The following ELK3 variants were observed in gnomAD, a reference collection of about 807,000 sequenced individuals.
ELK3 encodes ETS transcription factor ELK3.
Under a neutral mutation model 28.9 loss-of-function variants are expected in ELK3, and 10 were observed. That is an observed-to-expected ratio of 0.35 (90% CI 0.21 to 0.59). The LOEUF (loss-of-function observed/expected upper bound fraction) is 0.59. Ranked by LOEUF, ELK3 falls within the 20% of genes least tolerant of loss-of-function variation. ELK3 has a pLI of 0.82. For synonymous variants in ELK3, 272 were observed against 243.5 expected, an observed-to-expected ratio of 1.12 and a Z score of -1.09; for missense variants, 463 against 517.3, an observed-to-expected ratio of 0.90 and a Z score of 1.02.
chr12:96,248,223 A>G (rs1428007322), intron 3 of ELK3, among the ~76,000 whole-genome samples: 3 of 152,214 alleles, frequency 2.0e-5, no homozygotes, highest in Non-Finnish European at 4.4e-5. Context: ...CGTAGGTAAT[A>G]AGAAACAAAG....
At position 96,267,923 on chromosome 12, in the gene ELK3, C is replaced by T. The variant is rs6538704; in HGVS notation, c.*743C>T. ...TTTACAGTATCTTATCTTTTAGATG[C>T]CTCCCAGACAAAAATCTGAGATGGA... On this transcript the variant is annotated 3_prime_UTR_variant, in exon 5 of 5. Transcript: ENST00000228741. 0.22 allele frequency: 32,842 copies of T among 152,304 alleles called. 4,418 individuals are homozygous for T. Among genetic ancestry groups the T allele is most frequent in the Middle Eastern group, 0.32 (95 of 294 alleles). 9.4% of individuals were successfully genotyped at this position (152,304 alleles called of 1,614,324 possible).
Position 96,199,449 on chromosome 12 carries a change from C to CT in ELK3, c.-3+4746dup, listed in dbSNP as rs139370940. On this transcript the variant is annotated intron_variant, in intron 1 of 4. Coordinates refer to ENST00000228741, the MANE Select transcript of ELK3 (RefSeq NM_005230.4). ...GACCATGAAAACTCTAGTTTTGCCA[C>CT]TTATAGAGCAGCCCCAGTAAATAAA... Among the ~76,000 whole-genome samples, 817 of 151,098 alleles carry CT rather than the reference C, an allele frequency of 5.4e-3. 12 individuals are homozygous for CT. Among genetic ancestry groups the CT allele is most frequent in the African/African-American group, 0.018 (752 of 41,028 alleles).
At chr12:96,263,751 G>C (rs1952010225) in intron 4 of ELK3, among the ~76,000 whole-genome samples, 1 of 152,230 alleles carries the variant, frequency 6.6e-6, no homozygotes, top group Admixed American at 6.5e-5. Context: ...GAATGACGGG[G>C]ACGTGAGAGT....
At chr12:96,259,151 G>A (rs1186373942) in intron 3 of ELK3, among the ~76,000 whole-genome samples, 1 of 152,094 alleles carries the variant, frequency 6.6e-6, no homozygotes, top group Non-Finnish European at 1.5e-5. Context: ...CAAACCATTC[G>A]GACGAAAGTT....
intron 3 of ELK3, among the ~76,000 whole-genome samples, chr12:96,251,673 G>A (rs7957256): frequency 0.36 from 54,874 of 152,044 alleles, 10,707 homozygotes; most frequent in South Asian, 0.49. Flanking sequence ...AAGTTTTAGT[G>A]GTCTGGATAG....
At chr12:96,262,800 C>CTTAT (rs1952003067) in intron 4 of ELK3, among the ~76,000 whole-genome samples, 1 of 151,552 alleles carries the variant, frequency 6.6e-6, no homozygotes, top group Non-Finnish European at 1.5e-5. Flanking sequence ...AGCAGTGCCT[C>CTTAT]TTATTTTTTT....
intron 1 of ELK3, among the ~76,000 whole-genome samples, chr12:96,202,476 A>G (rs187354373): frequency 1.4e-5 from 2 of 146,714 alleles, no homozygotes; most frequent in Admixed American, 1.4e-4. Context: ...CCTAGAGTAG[A>G]TCTCCCTCAG....
intron 1 of ELK3, among the ~76,000 whole-genome samples, chr12:96,204,144 T>G (rs1951524896): frequency 6.6e-6 from 1 of 152,174 alleles, no homozygotes; most frequent in South Asian, 2.1e-4. Flanking sequence ...TGGGATAGGA[T>G]ATGTTGAAAG....
At chr12:96,226,181 C>G (rs1006544452) in intron 2 of ELK3, among the ~76,000 whole-genome samples, 1 of 152,076 alleles carries the variant, frequency 6.6e-6, no homozygotes, top group East Asian at 1.9e-4. Context: ...TGAAAAATCC[C>G]AGCAAACGAT....
At chr12:96,230,175 C>T (rs1358469448) in intron 2 of ELK3, among the ~76,000 whole-genome samples, 1 of 152,104 alleles carries the variant, frequency 6.6e-6, no homozygotes, top group Non-Finnish European at 1.5e-5. Flanking sequence ...TGCCTACATA[C>T]AGTATTCAGT....
intron 1 of ELK3, among the ~76,000 whole-genome samples, chr12:96,202,050 C>T (rs747553111): frequency 2.0e-5 from 3 of 152,194 alleles, no homozygotes; most frequent in Non-Finnish European, 4.4e-5. Context: ...CTCCTTCCTT[C>T]TGATAGTCTT....
intron 1 of ELK3, chr12:96,198,158 C>T (rs1039043025): frequency 6.6e-6 from 1 of 152,196 alleles, no homozygotes; most frequent in Non-Finnish European, 1.5e-5. Context: ...TTGCTGCTTA[C>T]TAATCGTTAG....
chr12:96,248,030 C>T (rs1413980793), intron 3 of ELK3, among the ~76,000 whole-genome samples: 5 of 152,134 alleles, frequency 3.3e-5, no homozygotes, highest in South Asian at 2.1e-4. Context: ...ATCTCACCAG[C>T]GATTTCCAAG....
chr12:96,241,142 G>A (rs1951817981), intron 2 of ELK3, among the ~76,000 whole-genome samples: 1 of 152,222 alleles, frequency 6.6e-6, no homozygotes, highest in Non-Finnish European at 1.5e-5. Context: ...ACCAGCCTAA[G>A]AATGAGCCGT....
chr12:96,258,702 G>C (rs1012453201), intron 3 of ELK3, among the ~76,000 whole-genome samples: 1 of 152,186 alleles, frequency 6.6e-6, no homozygotes, highest in African/African-American at 2.4e-5. Flanking sequence ...AGCTGGGCGG[G>C]TGTTTCTTCT....
intron 1 of ELK3, among the ~76,000 whole-genome samples, chr12:96,195,570 A>C (rs781481666): frequency 1.2e-4 from 18 of 152,196 alleles, no homozygotes; most frequent in South Asian, 8.3e-4. Context: ...TTCTGAACCG[A>C]ATCATCCTAG....
At chr12:96,262,816 C>CT (rs777970376) in intron 4 of ELK3, among the ~76,000 whole-genome samples, 137 of 143,672 alleles carry the variant, frequency 9.5e-4, no homozygotes, top group Admixed American at 2.9e-3. Context: ...TTTTTAAGAA[C>CT]TTTTTTTTTT....
chr12:96,258,189 G>GC (rs1183626581), intron 3 of ELK3, among the ~76,000 whole-genome samples: 1 of 152,236 alleles, frequency 6.6e-6, no homozygotes, highest in African/African-American at 2.4e-5. Flanking sequence ...CTCATGCTGA[G>GC]CCGTGAAGTT....
At chr12:96,216,466 C>A (rs1366186021) in intron 1 of ELK3, among the ~76,000 whole-genome samples, 1 of 152,196 alleles carries the variant, frequency 6.6e-6, no homozygotes, top group Non-Finnish European at 1.5e-5. Context: ...AAAACAGAAG[C>A]ATACTCCAAG....
Sources: gnomAD v4.1 joint callset for allele counts (sites outside exome capture counted in the v4.1 genomes callset) on GRCh38, gnomAD v4.1.1 for gene constraint, MANE v1.5 for transcripts, NCBI Gene and HGNC (gene_info 2026-07-23, HGNC 2026-07-21) for gene names.